The following GULP1 variants were observed in gnomAD, a reference collection of about 807,000 sequenced individuals.
GULP1 encodes the protein PTB domain-containing engulfment adapter protein 1.
GULP1 carries 19 observed loss-of-function variants against 40.9 expected under a neutral mutation model. The ratio of observed to expected loss-of-function variants is 0.46; its 90% confidence interval spans 0.32 to 0.68. The LOEUF is 0.68. Ranked by LOEUF, GULP1 falls within the 30% of genes least tolerant of loss-of-function variation. The pLI is 0.03. For synonymous variants in GULP1, 119 were observed against 117.6 expected (o/e 1.01, Z -0.08); for missense variants, 312 against 362.2 (o/e 0.86, Z 1.12).
intron 3 of GULP1, among the ~76,000 whole-genome samples, chr2:188,478,111 G>C: frequency 6.6e-6 from 1 of 152,108 alleles, no homozygotes; most frequent in Admixed American, 6.6e-5. Context: ...TCATAATTGT[G>C]TGTGTGTGTG....
chr2:188,571,608 T>G (rs1699051324), intron 9 of GULP1, among the ~76,000 whole-genome samples: 2 of 152,268 alleles, frequency 1.3e-5, no homozygotes, highest in African/African-American at 4.8e-5. Flanking sequence ...TGTCTGCTGC[T>G]CACCAGGATT....
chr2:188,419,665 A>T (rs750663619), intron 2 of GULP1, among the ~76,000 whole-genome samples: 5 of 150,916 alleles, frequency 3.3e-5, no homozygotes, highest in Admixed American at 6.6e-5. Flanking sequence ...CTTGTTTTTC[A>T]CGCATTGTTG....
At position 188,529,202 on chromosome 2, in the gene GULP1, CTT is replaced by C; in HGVS notation, c.261+15_261+16del. On this transcript the variant is annotated splice_region_variant and intron_variant, in intron 6 of 11. Coordinates refer to ENST00000409830, the MANE Select transcript of GULP1 (RefSeq NM_016315.4). ...TCTAGAACCCAAAACAAAGGTAAGG[CTT>C]TTTTTTTAATGTTAGAGGCAATCTT... 3 of 1,223,750 alleles carry C rather than the reference CTT, an allele frequency of 2.5e-6. No individual in the cohort carries two copies. The highest frequency in any genetic ancestry group is 3.5e-6 in the Non-Finnish European group (3 of 858,586). The allele number at this position is 1,223,750 out of a possible 1,614,324, so 75.8% of individuals were successfully genotyped here.
chr2:188,416,535 A>C lies in GULP1; in HGVS notation c.-45+32646A>C, dbSNP rs188435678. 3.9e-5 allele frequency among the ~76,000 whole-genome samples: 6 copies of C among 152,236 alleles called. No individual in the cohort carries two copies. In the East Asian group the frequency reaches 9.7e-4, roughly 25 times the overall value. On this transcript the variant is annotated intron_variant, in intron 2 of 11. Coordinates refer to ENST00000409830, the MANE Select transcript of GULP1 (RefSeq NM_016315.4). ...CAGCAAATCACAAGGCTAGACACTCAGTTTCAGGACTCAATTGCTATGTTC... is the reference window on the plus strand; with the variant it reads ...CAGCAAATCACAAGGCTAGACACTCCGTTTCAGGACTCAATTGCTATGTTC...
intron 2 of GULP1, among the ~76,000 whole-genome samples, chr2:188,472,032 T>C (rs2060631045): frequency 6.6e-6 from 1 of 152,236 alleles, no homozygotes; most frequent in Admixed American, 6.5e-5. Context: ...ATATTTTCAC[T>C]GTATATACTA....
chr2:188,359,040 A>G (rs912081881), intron 1 of GULP1, among the ~76,000 whole-genome samples: 1 of 152,146 alleles, frequency 6.6e-6, no homozygotes, highest in Non-Finnish European at 1.5e-5. Flanking sequence ...CATAATTATA[A>G]TAAGGCAATT....
intron 1 of GULP1, among the ~76,000 whole-genome samples, chr2:188,326,272 A>C (rs2040753892): frequency 1.3e-5 from 2 of 152,160 alleles, no homozygotes; most frequent in African/African-American, 4.8e-5. Flanking sequence ...TTAATGATAA[A>C]TTAATAACAG....
At chr2:188,450,799 C>T (rs2058777125) in intron 2 of GULP1, among the ~76,000 whole-genome samples, 1 of 152,072 alleles carries the variant, frequency 6.6e-6, no homozygotes, top group East Asian at 1.9e-4. Flanking sequence ...CAGTTTGGGA[C>T]CCACAGAAGC....
intron 9 of GULP1, among the ~76,000 whole-genome samples, chr2:188,573,704 T>G (rs1317586299): frequency 2.6e-5 from 4 of 152,122 alleles, no homozygotes; most frequent in Non-Finnish European, 5.9e-5. Context: ...ATGAGTAAGT[T>G]CTCATCAGTT....
At chr2:188,376,896 G>A (rs912843486) in intron 1 of GULP1, among the ~76,000 whole-genome samples, 36 of 152,242 alleles carry the variant, frequency 2.4e-4, no homozygotes, top group African/African-American at 7.9e-4. Context: ...AATTTGGGCC[G>A]GGCGCAGTGG....
intron 2 of GULP1, among the ~76,000 whole-genome samples, chr2:188,406,645 G>A (rs2053151806): frequency 6.6e-6 from 1 of 151,818 alleles, no homozygotes; most frequent in Non-Finnish European, 1.5e-5. Context: ...CTTGAAGATA[G>A]GTTATTCGAA....
At chr2:188,477,973 C>T (rs951771822) in intron 3 of GULP1, among the ~76,000 whole-genome samples, 3 of 152,092 alleles carry the variant, frequency 2.0e-5, no homozygotes, top group Non-Finnish European at 2.9e-5. Context: ...TGTCGCCTGG[C>T]AACTTGAAGC....
intron 4 of GULP1, among the ~76,000 whole-genome samples, chr2:188,495,844 C>T (rs972792263): frequency 4.6e-5 from 7 of 151,722 alleles, no homozygotes; most frequent in African/African-American, 1.5e-4. Flanking sequence ...CTTTATTACA[C>T]GGAAAAAAAA....
intron 4 of GULP1, among the ~76,000 whole-genome samples, chr2:188,517,482 A>G (rs1053768261): frequency 5.3e-5 from 8 of 151,814 alleles, no homozygotes; most frequent in African/African-American, 1.9e-4. Context: ...CGCTCCCTCT[A>G]CTTTTCTAAC....
intron 2 of GULP1, among the ~76,000 whole-genome samples, chr2:188,421,075 A>G (rs1398370143): frequency 6.6e-6 from 1 of 152,188 alleles, no homozygotes; most frequent in Non-Finnish European, 1.5e-5. Context: ...AGGCAAGAAA[A>G]AGAAATAAAG....
At chr2:188,448,509 G>A (rs1385199681) in intron 2 of GULP1, among the ~76,000 whole-genome samples, 2 of 152,068 alleles carry the variant, frequency 1.3e-5, no homozygotes, top group South Asian at 2.1e-4. Context: ...TCCTGAACTT[G>A]CCATTAGAAG....
At chr2:188,428,967 T>G (rs1285445796) in intron 2 of GULP1, among the ~76,000 whole-genome samples, 1 of 152,126 alleles carries the variant, frequency 6.6e-6, no homozygotes, top group Admixed American at 6.5e-5. Context: ...CTAGCTCTGA[T>G]GATGACAGGA....
chr2:188,529,679 G>C (rs1287957259), intron 6 of GULP1, among the ~76,000 whole-genome samples: 1 of 152,132 alleles, frequency 6.6e-6, no homozygotes, highest in East Asian at 1.9e-4. Flanking sequence ...GGAGTTCCAA[G>C]ATCAAGATGC....
chr2:188,361,439 A>T (rs575759961), intron 1 of GULP1, among the ~76,000 whole-genome samples: 5 of 152,014 alleles, frequency 3.3e-5, no homozygotes, highest in African/African-American at 4.8e-5. Context: ...GAGAGAGAGA[A>T]ACAAGGGCCA....
Sources: gnomAD v4.1 joint callset for allele counts (sites outside exome capture counted in the v4.1 genomes callset) on GRCh38, gnomAD v4.1.1 for gene constraint, MANE v1.5 for transcripts, NCBI Gene and HGNC (gene_info 2026-07-23, HGNC 2026-07-21) for gene names.